RAF1: variants seen among roughly 807,000 people sequenced by gnomAD.
RAF1 encodes RAF proto-oncogene serine/threonine-protein kinase.
A neutral mutation model predicts 81.1 loss-of-function variants in RAF1; 27 were observed. The observed-to-expected ratio is 0.33, with a 90% CI of 0.25 to 0.46. The LOEUF (loss-of-function observed/expected upper bound fraction) is 0.46, where lower values mean the gene tolerates loss of function less well. Ranked by LOEUF, RAF1 falls within the 20% of genes least tolerant of loss-of-function variation. RAF1 has a pLI of 1.00. For missense variants in RAF1, 598 were observed against 826.0 expected, an observed-to-expected ratio of 0.72 and a Z score of 3.38; for synonymous variants, 298 against 294.0, an observed-to-expected ratio of 1.01 and a Z score of -0.14.
chr3:12,655,723 G>T (rs1217272509), intron 1 of RAF1, among the ~76,000 whole-genome samples: 1 of 151,986 alleles, frequency 6.6e-6, no homozygotes, highest in Non-Finnish European at 1.5e-5. Flanking sequence ...TTCATACAAT[G>T]AAATATTATT....
intron 1 of RAF1, among the ~76,000 whole-genome samples, chr3:12,640,438 A>G (rs1419408181): frequency 1.3e-5 from 2 of 149,014 alleles, no homozygotes; most frequent in African/African-American, 4.9e-5. Context: ...CGCAACCTAC[A>G]GAATGGGAGA....
intron 2 of RAF1, among the ~76,000 whole-genome samples, chr3:12,613,930 G>A (rs953361839): frequency 1.2e-4 from 18 of 152,316 alleles, no homozygotes; most frequent in Non-Finnish European, 2.4e-4. Context: ...TGGGAGTGGG[G>A]AAGGAATATT....
chr3:12,643,691 G>C (rs1468869626), intron 1 of RAF1, among the ~76,000 whole-genome samples: 1 of 151,238 alleles, frequency 6.6e-6, no homozygotes, highest in Non-Finnish European at 1.5e-5. Flanking sequence ...AGCCAAAATC[G>C]CACCACTGCA....
chr3:12,584,184 A>ACTC lies in RAF1; in HGVS notation c.*327_*329dup, dbSNP rs1427715760. 2.4e-6 allele frequency: 1 copy of ACTC among 423,922 alleles called. No homozygotes were observed. Among genetic ancestry groups the ACTC allele is most frequent in the Non-Finnish European group, 4.4e-6 (1 of 226,428 alleles). The allele number at this position is 423,922 out of a possible 1,614,324, so 26.3% of individuals were successfully genotyped here. ...GCCTGCTACCTTACTTCCTCTAAAT[A>ACTC]CTCATGTAGCCAACAGCTGGGGCTG... On this transcript the variant is annotated 3_prime_UTR_variant, in exon 18 of 18. Transcript: ENST00000442415.
At chr3:12,598,361 G>T (rs1274893861) in intron 11 of RAF1, among the ~76,000 whole-genome samples, 1 of 152,110 alleles carries the variant, frequency 6.6e-6, no homozygotes, top group Non-Finnish European at 1.5e-5. Context: ...CTTTACAAAT[G>T]TTCAGTCGGG....
chr3:12,652,888 C>A (rs1163913872), intron 1 of RAF1, among the ~76,000 whole-genome samples: 1 of 151,262 alleles, frequency 6.6e-6, no homozygotes, highest in African/African-American at 2.4e-5. Flanking sequence ...GTACAGTGAG[C>A]CAAGATTAAG....
intron 1 of RAF1, among the ~76,000 whole-genome samples, chr3:12,643,727 ACT>A (rs1481714051): frequency 6.7e-6 from 1 of 149,024 alleles, no homozygotes; most frequent in African/African-American, 2.5e-5. Context: ...CAAGAGCAAA[ACT>A]CTGTCTCAAA....
chr3:12,598,518 A>C lies in RAF1; in HGVS notation c.1168+1173T>G, dbSNP rs139642687. ...TTGAGAGACCCAAGAGGACTGCTTG[A>C]GTCCAGGAGTTGGAGACCAGCCTGG... is the stretch of plus-strand genomic sequence containing the variant. On this transcript the variant is annotated intron_variant, in intron 11 of 17. Transcript: ENST00000442415. Among the ~76,000 whole-genome samples the C allele has an allele frequency of 1.2e-3, 180 of 152,166 alleles. 1 individual carries two copies. Among genetic ancestry groups the C allele is most frequent in the African/African-American group, 4.2e-3 (173 of 41,524 alleles).
At chr3:12,663,572 T>C (rs1011404005) in intron 1 of RAF1, among the ~76,000 whole-genome samples, 3 of 152,240 alleles carry the variant, frequency 2.0e-5, no homozygotes, top group Non-Finnish European at 4.4e-5. Flanking sequence ...GTTGGCACGT[T>C]TCCGCCAAAC....
intron 11 of RAF1, among the ~76,000 whole-genome samples, chr3:12,597,426 C>T (rs913082428): frequency 1.2e-4 from 19 of 152,164 alleles, no homozygotes; most frequent in African/African-American, 7.2e-5. Context: ...AAACTTCATC[C>T]GCTGGCTTTT....
rs116247741 is a variant in RAF1 at position 12,664,053 on chromosome 3, C to T, written c.-267G>A. 9.9e-4 allele frequency: 393 copies of T among 398,506 alleles called. No homozygotes were observed. Among genetic ancestry groups the T allele is most frequent in the African/African-American group, 6.8e-3 (332 of 48,746 alleles). The allele number at this position is 398,506 out of a possible 1,614,324, so 24.7% of individuals were successfully genotyped here. On this transcript the variant is annotated 5_prime_UTR_variant, in exon 1 of 18. Transcript: ENST00000442415. ...CCAAAAAAGGCAGCAGAAAGCCGTT[C>T]CCGCCTCACAATCGTTTTCCTCTTA... is the stretch of plus-strand genomic sequence containing the variant.
chr3:12,648,975 G>A (rs1435976778), intron 1 of RAF1, among the ~76,000 whole-genome samples: 10 of 152,110 alleles, frequency 6.6e-5, no homozygotes, highest in Admixed American at 3.3e-4. Flanking sequence ...TTACCCAGGC[G>A]TGGTGGCACA....
intron 1 of RAF1, among the ~76,000 whole-genome samples, chr3:12,641,612 C>T (rs2060189811): frequency 6.6e-6 from 1 of 151,594 alleles, no homozygotes; most frequent in African/African-American, 2.4e-5. Context: ...CCACCTCAGC[C>T]TCCCAAGCAG....
At chr3:12,588,338 C>A (rs899527561) in intron 13 of RAF1, 1 of 152,208 alleles carries the variant, frequency 6.6e-6, no homozygotes, top group Admixed American at 6.5e-5. Context: ...CCAAGCATCA[C>A]TTAACGGCAG....
intron 7 of RAF1, chr3:12,603,576 C>A: frequency 2.9e-6 from 2 of 690,132 alleles, no homozygotes; most frequent in Admixed American, 4.2e-5. Context: ...GAATAAAGAA[C>A]AAAGGAAGTA....
chr3:12,597,049 C>T (rs1318107759), intron 11 of RAF1, among the ~76,000 whole-genome samples: 2 of 152,036 alleles, frequency 1.3e-5, no homozygotes, highest in Non-Finnish European at 2.9e-5. Flanking sequence ...CAGGCGCCCA[C>T]CCCCACGCCC....
At chr3:12,659,789 A>G (rs2060818084) in intron 1 of RAF1, among the ~76,000 whole-genome samples, 1 of 152,140 alleles carries the variant, frequency 6.6e-6, no homozygotes, top group African/African-American at 2.4e-5. Context: ...AATATTTAAA[A>G]TTGTCTTCTG....
chr3:12,611,455 G>A (rs1469355895), intron 3 of RAF1, among the ~76,000 whole-genome samples: 1 of 152,194 alleles, frequency 6.6e-6, no homozygotes, highest in African/African-American at 2.4e-5. Context: ...TTGGCCTCAA[G>A]CAACCCTCTT....
intron 2 of RAF1, among the ~76,000 whole-genome samples, chr3:12,617,485 TCAAG>T (rs1424847532): frequency 1.3e-5 from 2 of 152,120 alleles, no homozygotes; most frequent in Non-Finnish European, 2.9e-5. Context: ...ACTCCTGAGC[TCAAG>T]CAATCTGCCC....
Sources: allele counts gnomAD v4.1 joint callset (sites outside exome capture counted in the v4.1 genomes callset), GRCh38; gene constraint gnomAD v4.1.1; transcripts MANE v1.5; gene names NCBI Gene and HGNC (gene_info 2026-07-23, HGNC 2026-07-21).